FCRL5: variants seen among roughly 807,000 people sequenced by gnomAD.
The protein encoded by FCRL5 is Fc receptor like 5.
A neutral mutation model predicts 92.1 loss-of-function variants in FCRL5; 79 were observed. The observed-to-expected ratio is 0.86, with a 90% CI of 0.72 to 1.03. FCRL5 has a LOEUF of 1.03. Ranked by LOEUF, FCRL5 falls within the 50% of genes least tolerant of loss-of-function variation. The pLI, the probability that FCRL5 is intolerant of heterozygous loss-of-function variation, is 0.00. For missense variants in FCRL5, 1,160 were observed against 1,181.1 expected (o/e 0.98, Z 0.26); for synonymous variants, 466 against 469.3 (o/e 0.99, Z 0.09).
chr1:157,530,949 C>T (rs1174617877), intron 8 of FCRL5, among the ~76,000 whole-genome samples: 1 of 152,012 alleles, frequency 6.6e-6, no homozygotes, highest in Non-Finnish European at 1.5e-5. Flanking sequence ...TACAAAAGTA[C>T]AGGCAACAAA....
At position 157,527,910 on chromosome 1, in the gene FCRL5, G is replaced by T; in HGVS notation, c.1682-15C>A. ...AGACACTGGAACTGAGAGAGAAAAT[G>T]AGTTAGGGACACATGTATTTTTAAA... On this transcript the variant is annotated splice_polypyrimidine_tract_variant and intron_variant, in intron 8 of 16. Coordinates refer to ENST00000361835, the MANE Select transcript of FCRL5 (RefSeq NM_031281.3). 6.5e-7 allele frequency: 1 copy of T among 1,547,210 alleles called. No individual in the cohort carries two copies. Among genetic ancestry groups the T allele is most frequent in the Non-Finnish European group, 8.7e-7 (1 of 1,150,196 alleles).
Position 157,552,440 on chromosome 1 carries a change from A to G in FCRL5, c.-78T>C. 6.8e-7 allele frequency: 1 copy of G among 1,472,770 alleles called. No homozygotes were observed. The highest frequency in any genetic ancestry group is 9.5e-7 in the Non-Finnish European group (1 of 1,051,480). 91.2% of individuals were successfully genotyped at this position (1,472,770 alleles called of 1,614,324 possible). On this transcript the variant is annotated 5_prime_UTR_variant, in exon 1 of 17. Transcript: ENST00000361835. ...AAAACAGGTTTGGACTTGATCTTAC[A>G]GTCAGGACACTGCACACCAGCTCCA...
At chr1:157,541,062 A>G (rs181553333) in intron 6 of FCRL5, among the ~76,000 whole-genome samples, 2 of 152,070 alleles carry the variant, frequency 1.3e-5, no homozygotes, top group African/African-American at 2.4e-5. Context: ...GGCTAAATTC[A>G]CTGGATGTGA....
chr1:157,518,600 G>A, intron 14 of FCRL5, 100 bp downstream of exon 14: 1 of 1,440,126 alleles, frequency 6.9e-7, no homozygotes, highest in Admixed American at 1.7e-5. Flanking sequence ...AAGGACTAGA[G>A]CCCTCTAGGC....
In FCRL5 at chr1:157,527,609, C is replaced by A. The variant is rs185478769; in HGVS notation, c.1960+8G>T. 5.7e-6 allele frequency: 9 copies of A among 1,573,422 alleles called. No homozygotes were observed. The African/African-American group carries it at 1.1e-4, about 19-fold the overall frequency. ...TTTATTTTTGTGCTGCTGGTTAGGT[C>A]AACTTACCTATAACACTGAGTGATA... On this transcript the variant is annotated splice_region_variant and intron_variant, in intron 9 of 16. Transcript: ENST00000361835.
At chr1:157,534,498 A>G in intron 8 of FCRL5, 116 bp downstream of exon 8, 1 of 1,277,560 alleles carries the variant, frequency 7.8e-7, no homozygotes, top group South Asian at 1.2e-5. Flanking sequence ...GAGGAAGCCA[A>G]GAAGGGGATT....
At chr1:157,519,036 A>T in intron 13 of FCRL5, 1 of 316,820 alleles carries the variant, frequency 3.2e-6, no homozygotes, top group Non-Finnish European at 5.8e-6. Flanking sequence ...GTTCTATTTC[A>T]TCCTCGTTTT....
In FCRL5 at chr1:157,544,842, A is replaced by G. The variant is rs1241957019; in HGVS notation, c.548T>C (p.Ile183Thr). ...AATGAAGGCTTTACCTTGGACTTGGATTTTGACTGTATTGGAAGAAACAGG... is the reference window on the plus strand; with the variant it reads ...AATGAAGGCTTTACCTTGGACTTGGGTTTTGACTGTATTGGAAGAAACAGG... Reference protein sequence around the residue: ...CCPVSSNTVKIQVQEPFTRPV... With the variant: ...CCPVSSNTVKTQVQEPFTRPV... The change falls in exon 4 of 17, where the codon ATC (isoleucine) becomes ACC (threonine). Residue 183 changes from isoleucine (I) to threonine (T), a missense_variant. Ile to Thr is a moderately conservative substitution (Grantham distance 89). Coordinates refer to ENST00000361835, the MANE Select transcript of FCRL5 (RefSeq NM_031281.3). The G allele has an allele frequency of 1.2e-6, 2 of 1,614,088 alleles. No individual in the cohort carries two copies. Among genetic ancestry groups the G allele is most frequent in the Non-Finnish European group, 1.7e-6 (2 of 1,180,010 alleles).
rs1651108804 is a variant in FCRL5, at chr1:157,538,953, G to T, written c.1402+133C>A. The T allele has an allele frequency of 1.1e-5, 11 of 994,720 alleles. No individual in the cohort carries two copies. The East Asian group carries it at 2.5e-4, about 23-fold the overall frequency. The allele number at this position is 994,720 out of a possible 1,614,324, so 61.6% of individuals were successfully genotyped here. ...CAGACAGCTGGTTCAGTGAGCTAGA[G>T]AGTGGAGGAGGATATTAGGTTGTTT... On this transcript the variant is annotated intron_variant, in intron 7 of 16. Transcript: ENST00000361835.
Position 157,545,860 on chromosome 1 carries a change from G to T in FCRL5, c.308-778C>A, listed in dbSNP as rs184843471. On this transcript the variant is annotated intron_variant, in intron 3 of 16. Transcript: ENST00000361835. Reference sequence around the variant, plus strand: ...CTTTTTCTAAACCATGTTAAGGTCTGCCATTTTCAGGGATGGACATCTGTG... The same window carrying T: ...CTTTTTCTAAACCATGTTAAGGTCTTCCATTTTCAGGGATGGACATCTGTG... 9.9e-5 allele frequency among the ~76,000 whole-genome samples: 15 copies of T among 152,256 alleles called. No homozygotes were observed. In the Middle Eastern group the frequency reaches 0.01, roughly 104 times the overall value.
chr1:157,518,687 C>T lies in FCRL5; in HGVS notation c.2743+13G>A, dbSNP rs375757908. 1.6e-5 allele frequency: 25 copies of T among 1,606,846 alleles called. No homozygotes were observed. The African/African-American group carries it at 3.3e-4, about 22-fold the overall frequency. Reference sequence around the variant, plus strand: ...CTCCAGCTTCTGCCAAATGCAGGATCCTCGGGCCTCACCATTAGTGTACAC... The same window carrying T: ...CTCCAGCTTCTGCCAAATGCAGGATTCTCGGGCCTCACCATTAGTGTACAC... On this transcript the variant is annotated intron_variant, in intron 14 of 16. Transcript: ENST00000361835.
intron 7 of FCRL5, 149 bp downstream of exon 7, chr1:157,538,937 G>T: frequency 1.2e-6 from 1 of 858,574 alleles, no homozygotes; most frequent in African/African-American, 1.7e-5. Flanking sequence ...GCAGACAGCT[G>T]GTTCAGTGAG....
chr1:157,537,705 C>A (rs1309096805), intron 7 of FCRL5, among the ~76,000 whole-genome samples: 2 of 152,128 alleles, frequency 1.3e-5, no homozygotes, highest in South Asian at 4.1e-4. Context: ...TGTGATGTCG[C>A]CCCCGGACAC....
chr1:157,551,930 C>G (rs930433426), intron 1 of FCRL5, among the ~76,000 whole-genome samples: 1 of 152,174 alleles, frequency 6.6e-6, no homozygotes, highest in Non-Finnish European at 1.5e-5. Context: ...GCCTCTTATG[C>G]TGGGGACCAG....
intron 15 of FCRL5, chr1:157,516,173 T>C (rs2101588166): frequency 2.0e-6 from 1 of 512,700 alleles, no homozygotes; most frequent in South Asian, 2.2e-5. Flanking sequence ...TGAGCATAAT[T>C]GGTATTATTG....
chr1:157,527,516 C>T, intron 9 of FCRL5, 101 bp downstream of exon 9: 1 of 1,248,366 alleles, frequency 8.0e-7, no homozygotes, highest in Non-Finnish European at 1.1e-6. Flanking sequence ...CAGGATGTCA[C>T]ACAGCAAATG....
intron 8 of FCRL5, among the ~76,000 whole-genome samples, chr1:157,529,496 A>G (rs768627678): frequency 6.6e-6 from 1 of 152,180 alleles, no homozygotes; most frequent in Non-Finnish European, 1.5e-5. Flanking sequence ...CACTTGCACA[A>G]ACGTGTTTAT....
In FCRL5 at chr1:157,521,013, T is replaced by C. The variant is rs773092893; in HGVS notation, c.2515+4A>G. 1.9e-6 allele frequency: 3 copies of C among 1,596,710 alleles called. No individual in the cohort carries two copies. On this transcript the variant is annotated splice_donor_region_variant and intron_variant, in intron 11 of 16. Transcript: ENST00000361835. ...CATCTGTGGCCCGGGCACGGGAAAC[T>C]TACCTGTGATATAAAGTGTCACTGT...
At position 157,518,451 on chromosome 1, in the gene FCRL5, G is replaced by A. The variant is rs1650028377; in HGVS notation, c.2790C>T (p.Ile930=). Residue 930 remains isoleucine (I), a synonymous_variant, in exon 15 of 17, where the codon ATC becomes ATT. Coordinates refer to ENST00000361835, the MANE Select transcript of FCRL5 (RefSeq NM_031281.3). ...ENVVYSEVRI[I]QEKKKHAVAS... ...TACCTGCATGTTTCTTTTTCTCTTG[G>A]ATGATCCGTACTTCTGAGTAAACCA... The A allele has an allele frequency of 1.2e-6, 2 of 1,613,998 alleles. No homozygotes were observed. The highest frequency in any genetic ancestry group is 1.3e-5 in the African/African-American group (1 of 74,932).
Sources: gnomAD v4.1 joint callset for allele counts (sites outside exome capture counted in the v4.1 genomes callset) on GRCh38, gnomAD v4.1.1 for gene constraint, MANE v1.5 for transcripts, NCBI Gene and HGNC (gene_info 2026-07-23, HGNC 2026-07-21) for gene names.